The following HECTD4 variants were observed in gnomAD, a reference collection of about 807,000 sequenced individuals.
HECTD4 encodes the protein HECT domain E3 ubiquitin protein ligase 4.
Under a neutral mutation model 471.5 loss-of-function variants are expected in HECTD4, and 114 were observed. That is an observed-to-expected ratio of 0.24 (90% CI 0.21 to 0.28). The LOEUF (loss-of-function observed/expected upper bound fraction) is 0.28, where lower values mean the gene tolerates loss of function less well. HECTD4 is among the 10% of genes least tolerant of loss of function. The pLI, the probability that HECTD4 is intolerant of heterozygous loss-of-function variation, is 1.00. For missense variants in HECTD4, 3,866 were observed against 5,651.5 expected, an observed-to-expected ratio of 0.68 and a Z score of 10.13; for synonymous variants, 2,012 against 2,256.0, an observed-to-expected ratio of 0.89 and a Z score of 3.07.
At chr12:112,233,788 C>T (rs2033439940) in intron 37 of HECTD4, among the ~76,000 whole-genome samples, 2 of 152,108 alleles carry the variant, frequency 1.3e-5, no homozygotes, top group South Asian at 4.1e-4. Flanking sequence ...TGGCGAATGA[C>T]ATCTATTAGA....
intron 1 of HECTD4, among the ~76,000 whole-genome samples, chr12:112,366,517 T>C (rs1431230033): frequency 6.6e-6 from 1 of 151,966 alleles, no homozygotes; most frequent in Non-Finnish European, 1.5e-5. Context: ...AGACCGTGTC[T>C]CTTAAAAAAG....
At chr12:112,304,416 C>T (rs1006937611) in intron 7 of HECTD4, among the ~76,000 whole-genome samples, 1 of 151,954 alleles carries the variant, frequency 6.6e-6, no homozygotes, top group African/African-American at 2.4e-5. Context: ...CATGCCACAA[C>T]ACCCAGCTAA....
chr12:112,184,768 C>A lies in HECTD4; in HGVS notation c.10198G>T (p.Val3400Leu), dbSNP rs748084574. Residue 3400 changes from valine (V) to leucine (L), a missense_variant, in exon 61 of 76, where the codon GTG becomes TTG. Physicochemically the swap from Val to Leu is conservative, Grantham distance 32. This residue lies in a region of HECTD4 where 71 missense variants were observed against 144.5 expected (regional missense o/e 0.49). Transcript: ENST00000682272. The surrounding 1 kb of genome is among the most constrained non-coding windows in gnomAD (Gnocchi z 9.1). ...AGGTGGGTGGGGATCCCGGAGATCA[C>A]CAGCAAGCGGCTGTGGGCGGTGGGG... Reference protein sequence around the residue: ...VGPTAHSRLLVISGIPTHLDE... With the variant: ...VGPTAHSRLLLISGIPTHLDE... 5 of 1,611,360 alleles carry A rather than the reference C, an allele frequency of 3.1e-6. No individual in the cohort carries two copies. Among genetic ancestry groups the A allele is most frequent in the South Asian group, 2.2e-5 (2 of 90,838 alleles).
chr12:112,286,723 A>G (rs2034762847), intron 7 of HECTD4, among the ~76,000 whole-genome samples: 1 of 152,156 alleles, frequency 6.6e-6, no homozygotes. Flanking sequence ...AGGTAAAACC[A>G]TGTCTTCCCT....
At chr12:112,322,104 T>C (rs2035595427) in intron 1 of HECTD4, 1 of 135,138 alleles carries the variant, frequency 7.4e-6, no homozygotes. Context: ...AGACCTTGTC[T>C]GCTAAAAAAA....
Position 112,259,279 on chromosome 12 carries a change from A to G in HECTD4, c.2874-14T>C. ...AAGCCTTTTAACCTACAAAAAGTTC[A>G]AGAAAAACACACAGCCTAAGCAATG... On this transcript the variant is annotated splice_polypyrimidine_tract_variant and intron_variant, in intron 18 of 75. Transcript: ENST00000682272. 1 of 1,613,380 alleles carries G rather than the reference A, an allele frequency of 6.2e-7. No individual in the cohort carries two copies. Among genetic ancestry groups the G allele is most frequent in the Non-Finnish European group, 8.5e-7 (1 of 1,179,656 alleles).
At chr12:112,251,696 A>C (rs1428328219) in intron 23 of HECTD4, among the ~76,000 whole-genome samples, 1 of 152,266 alleles carries the variant, frequency 6.6e-6, no homozygotes, top group Non-Finnish European at 1.5e-5. Flanking sequence ...GAAACCTCAA[A>C]GTCTAAAATA....
intron 6 of HECTD4, among the ~76,000 whole-genome samples, chr12:112,307,034 A>C (rs1187180735): frequency 6.6e-6 from 1 of 152,220 alleles, no homozygotes; most frequent in Non-Finnish European, 1.5e-5. Flanking sequence ...ATGACTGAAC[A>C]TTAGAACCAC....
At chr12:112,340,759 CT>C (rs1204702739) in intron 1 of HECTD4, among the ~76,000 whole-genome samples, 1 of 152,074 alleles carries the variant, frequency 6.6e-6, no homozygotes, top group Non-Finnish European at 1.5e-5. Flanking sequence ...TAGAAAGCCC[CT>C]GTTTGCAAAA....
chr12:112,167,615 CA>C, intron 71 of HECTD4, 77 bp from the exon 72 acceptor site: 1 of 1,241,292 alleles, frequency 8.1e-7, no homozygotes, highest in South Asian at 1.5e-5. Flanking sequence ...TTCAAGCCAC[CA>C]TACCCTGTGG....
chr12:112,253,271 C>A (rs2033936051), intron 22 of HECTD4, among the ~76,000 whole-genome samples: 1 of 152,040 alleles, frequency 6.6e-6, no homozygotes, highest in Admixed American at 6.6e-5. Flanking sequence ...ATGACAGACA[C>A]ACACCACCAC....
chr12:112,366,877 T>C (rs1202454435), intron 1 of HECTD4, among the ~76,000 whole-genome samples: 1 of 140,630 alleles, frequency 7.1e-6, no homozygotes, highest in Non-Finnish European at 1.5e-5. Context: ...TGAAACTCTG[T>C]CTCAAAAAAA....
chr12:112,229,397 G>A (rs183724129), intron 41 of HECTD4, among the ~76,000 whole-genome samples: 18 of 152,236 alleles, frequency 1.2e-4, no homozygotes, highest in African/African-American at 4.3e-4. Context: ...ATAAATATTT[G>A]CAGGAAAACA....
At chr12:112,309,502 ATT>A (rs1284496662) in intron 5 of HECTD4, 57 bp downstream of exon 5, 2 of 762,524 alleles carry the variant, frequency 2.6e-6, no homozygotes, top group African/African-American at 3.5e-5. Context: ...TTCTTCAGAG[ATT>A]TATGTAAGGA....
intron 14 of HECTD4, 51 bp downstream of exon 14, chr12:112,266,861 G>T: frequency 2.2e-6 from 2 of 895,152 alleles, no homozygotes; most frequent in Non-Finnish European, 3.6e-6. Context: ...TTGTTTCCTT[G>T]GGGACAAAAA....
intron 64 of HECTD4, 56 bp from the exon 65 acceptor site, chr12:112,176,758 G>A (rs527620758): frequency 1.6e-6 from 2 of 1,241,574 alleles, no homozygotes; most frequent in East Asian, 4.6e-5. Context: ...CCTCCCGATA[G>A]GAAATACACA....
intron 9 of HECTD4, among the ~76,000 whole-genome samples, chr12:112,275,496 G>T (rs1003241647): frequency 4.6e-5 from 7 of 152,038 alleles, no homozygotes; most frequent in African/African-American, 1.4e-4. Flanking sequence ...CTTTTGGGTG[G>T]CCCTGGGAAA....
intron 24 of HECTD4, 31 bp downstream of exon 24, chr12:112,250,940 A>T: frequency 6.3e-7 from 1 of 1,579,720 alleles, no homozygotes; most frequent in Non-Finnish European, 8.6e-7. Flanking sequence ...CTTTGCAGGC[A>T]ACACTAGCTC....
chr12:112,240,141 GA>G, intron 32 of HECTD4, 114 bp from the exon 33 acceptor site: 1 of 1,068,010 alleles, frequency 9.4e-7, no homozygotes, highest in Admixed American at 2.3e-5. Flanking sequence ...GAACTGAAGG[GA>G]TCTTGGAGAA....
Sources: gnomAD v4.1 joint callset for allele counts (sites outside exome capture counted in the v4.1 genomes callset) on GRCh38, gnomAD v4.1.1 for gene constraint, gnomAD v4.1.1 regional missense constraint, Gnocchi (gnomAD v3.1) non-coding constraint, MANE v1.5 for transcripts, NCBI Gene and HGNC (gene_info 2026-07-23, HGNC 2026-07-21) for gene names.